Variants in TCF4 observed in about 807,000 individuals in gnomAD.
TCF4 encodes the protein transcription factor 4.
In TCF4, 3 loss-of-function variants were observed where a neutral mutation model predicts 82.1. The ratio of observed to expected loss-of-function variants is 0.04; its 90% confidence interval spans 0.02 to 0.09. The LOEUF (loss-of-function observed/expected upper bound fraction) is 0.09, where lower values mean the gene tolerates loss of function less well. Among genes scored for constraint, TCF4 ranks in the 10% least tolerant of loss-of-function variants. TCF4 has a pLI of 1.00. For synonymous variants in TCF4, 276 were observed against 309.6 expected (o/e 0.89, Z 1.14); for missense variants, 518 against 852.7 (o/e 0.61, Z 4.89).
intron 3 of TCF4, among the ~76,000 whole-genome samples, chr18:55,506,412 T>C (rs2096760377): frequency 6.6e-6 from 1 of 152,238 alleles, no homozygotes; most frequent in Non-Finnish European, 1.5e-5. Context: ...ATATTTTATT[T>C]ATACACACAC....
chr18:55,508,171 G>C lies in TCF4; in HGVS notation c.146-44034C>G, dbSNP rs138282027. Among the ~76,000 whole-genome samples the C allele has an allele frequency of 5.2e-4, 79 of 152,188 alleles. 1 individual carries two copies. Among genetic ancestry groups the C allele is most frequent in the Middle Eastern group, 3.4e-3 (1 of 294 alleles). On this transcript the variant is annotated intron_variant, in intron 3 of 19. Transcript: ENST00000354452. ...ACCCCCCACCAACAAAATGCCTCTG[G>C]CAAATAACACCTTATTATTTGATAT...
At chr18:55,588,707 T>C, upstream of TCF4, 1 of 1,312,248 alleles carries the variant, frequency 7.6e-7, no homozygotes, top group Non-Finnish European at 9.7e-7. Flanking sequence ...ATTTTTCTTT[T>C]TCGTCTATAA....
At chr18:55,526,057 C>A (rs1425406824) in intron 3 of TCF4, among the ~76,000 whole-genome samples, 2 of 152,204 alleles carry the variant, frequency 1.3e-5, no homozygotes, top group African/African-American at 2.4e-5. Flanking sequence ...CCACTTATAA[C>A]ATTTCAGACA....
intron 5 of TCF4, chr18:55,422,125 C>CAAA (rs555892552): frequency 1.9e-3 from 597 of 321,908 alleles, no homozygotes; most frequent in Non-Finnish European, 2.1e-3. Context: ...CACTATCATC[C>CAAA]AAAAAAAAAA....
chr18:55,459,486 G>GA (rs1466874129), intron 5 of TCF4, among the ~76,000 whole-genome samples: 1 of 152,140 alleles, frequency 6.6e-6, no homozygotes, highest in East Asian at 1.9e-4. Flanking sequence ...CTCATTGGAG[G>GA]ATCATTTTAG....
At chr18:55,489,900 G>A (rs577019270) in intron 3 of TCF4, among the ~76,000 whole-genome samples, 29 of 152,264 alleles carry the variant, frequency 1.9e-4, no homozygotes, top group South Asian at 1.4e-3. Flanking sequence ...AAAAGCAGTC[G>A]TCATTTGATT....
chr18:55,313,464 G>C (rs2073170727), intron 8 of TCF4, among the ~76,000 whole-genome samples: 1 of 152,038 alleles, frequency 6.6e-6, no homozygotes, highest in Non-Finnish European at 1.5e-5. Context: ...TGGATGGCAT[G>C]AAATAAAAGT....
chr18:55,398,979 G>A (rs1185281565), intron 6 of TCF4, among the ~76,000 whole-genome samples: 1 of 152,162 alleles, frequency 6.6e-6, no homozygotes, highest in Non-Finnish European at 1.5e-5. Context: ...TGAACACTCA[G>A]GATAAACACT....
chr18:55,355,642 T>G (rs2083328229), intron 6 of TCF4, among the ~76,000 whole-genome samples: 1 of 152,176 alleles, frequency 6.6e-6, no homozygotes, highest in Non-Finnish European at 1.5e-5. Context: ...TCTTTCCTGA[T>G]TCCTGAAGGT....
intron 5 of TCF4, among the ~76,000 whole-genome samples, chr18:55,427,255 A>G (rs1203239474): frequency 6.6e-6 from 1 of 152,070 alleles, no homozygotes; most frequent in Non-Finnish European, 1.5e-5. Flanking sequence ...GAGGTACTGG[A>G]TGAGGGGAAA....
chr18:55,510,043 T>C (rs1379207047), intron 3 of TCF4, among the ~76,000 whole-genome samples: 1 of 152,196 alleles, frequency 6.6e-6, no homozygotes, highest in Non-Finnish European at 1.5e-5. Context: ...TGGTCTTCCA[T>C]TTTCTGACAC....
chr18:55,563,682 T>G (rs1286660608), intron 3 of TCF4, among the ~76,000 whole-genome samples: 2 of 152,236 alleles, frequency 1.3e-5, no homozygotes, highest in African/African-American at 2.4e-5. Context: ...CTTCAGTGAC[T>G]CGGGGATAAC....
chr18:55,566,923 A>G (rs193267885), intron 3 of TCF4, among the ~76,000 whole-genome samples: 2 of 152,336 alleles, frequency 1.3e-5, no homozygotes, highest in Admixed American at 6.5e-5. Flanking sequence ...ATTCACAAAT[A>G]GATACATTAC....
Position 55,269,959 on chromosome 18 carries a change from T to C in TCF4, c.794A>G (p.Tyr265Cys). Residue 265 changes from tyrosine to cysteine, a missense_variant, in exon 11 of 20, where the codon TAT becomes TGT. By Grantham distance (194) the Tyr-to-Cys change is radical (BLOSUM62 -2). Transcript: ENST00000354452. Reference sequence around the variant, plus strand: ...GATGTCTGCTGAGGAGTGTGATGGATAGCTCTATAGCAAGAAGCAGAAAAA... The same window carrying C: ...GATGTCTGCTGAGGAGTGTGATGGACAGCTCTATAGCAAGAAGCAGAAAAA... ...CSLHPHERLS[Y>C]PSHSSADINS... is the part of the protein sequence containing the mutation. 6.2e-7 allele frequency: 1 copy of C among 1,613,214 alleles called. No homozygotes were observed. The highest frequency in any genetic ancestry group is 8.5e-7 in the Non-Finnish European group (1 of 1,179,368).
At chr18:55,393,553 A>G (rs575974626) in intron 6 of TCF4, among the ~76,000 whole-genome samples, 1 of 152,288 alleles carries the variant, frequency 6.6e-6, no homozygotes, top group African/African-American at 2.4e-5. Flanking sequence ...TTTGACCCCA[A>G]TTTTGTAACC....
chr18:55,350,940 C>T lies in TCF4; in HGVS notation c.433G>A (p.Gly145Ser). The change falls in exon 7 of 20, where the codon GGT becomes AGT. Residue 145 changes from glycine (G) to serine (S), a missense_variant. Coordinates refer to ENST00000354452, the MANE Select transcript of TCF4 (RefSeq NM_001083962.2). ...CTAGAATACTGATAGTACTGGGAAC[C>T]AGGTTTGGTGGGCGAAAGGGTTCCT... ...NPGTLSPTKP[G>S]SQYYQYSSNN... 1.2e-6 allele frequency: 2 copies of T among 1,613,650 alleles called. No individual in the cohort carries two copies. Among genetic ancestry groups the T allele is most frequent in the African/African-American group, 2.7e-5 (2 of 75,008 alleles).
At chr18:55,608,421 A>G (rs2097704182) in intron 2 of TCF4, among the ~76,000 whole-genome samples, 1 of 148,298 alleles carries the variant, frequency 6.7e-6, no homozygotes, top group East Asian at 2.0e-4. Context: ...TCACAGGTCA[A>G]AATGCCATCT....
At chr18:55,406,424 C>T (rs2094093628) in intron 5 of TCF4, among the ~76,000 whole-genome samples, 1 of 151,902 alleles carries the variant, frequency 6.6e-6, no homozygotes. Flanking sequence ...CTAAAAGCAG[C>T]CATTTTAAAA....
At chr18:55,547,206 T>C (rs1030083164) in intron 3 of TCF4, among the ~76,000 whole-genome samples, 5 of 152,228 alleles carry the variant, frequency 3.3e-5, no homozygotes, top group South Asian at 2.1e-4. Context: ...TTCAGTGTCA[T>C]TGCACTATTC....
Sources: allele counts gnomAD v4.1 joint callset (sites outside exome capture counted in the v4.1 genomes callset), GRCh38; gene constraint gnomAD v4.1.1; transcripts MANE v1.5; gene names NCBI Gene and HGNC (gene_info 2026-07-23, HGNC 2026-07-21).